The following EVI5L variants were observed in gnomAD, a reference collection of about 807,000 sequenced individuals.
EVI5L encodes EVI5-like protein.
A neutral mutation model predicts 106.1 loss-of-function variants in EVI5L; 30 were observed. The ratio of observed to expected loss-of-function variants is 0.28; its 90% confidence interval spans 0.21 to 0.38. EVI5L has a LOEUF of 0.38. EVI5L is among the 10% of genes least tolerant of loss of function. The pLI is 1.00. For missense variants in EVI5L, 809 were observed against 1,098.0 expected (o/e 0.74, Z 3.72); for synonymous variants, 489 against 483.3 (o/e 1.01, Z -0.15).
At chr19:7,855,470 G>T (rs908392500) in intron 10 of EVI5L, among the ~76,000 whole-genome samples, 1 of 152,216 alleles carries the variant, frequency 6.6e-6, no homozygotes, top group Non-Finnish European at 1.5e-5. Flanking sequence ...CGAAACCCCA[G>T]CCAGGGAACA....
At position 7,847,803 on chromosome 19, in the gene EVI5L, T is replaced by A; in HGVS notation, c.209T>A (p.Val70Glu). The A allele has an allele frequency of 6.2e-7, 1 of 1,613,038 alleles. No homozygotes were observed. The highest frequency in any genetic ancestry group is 8.5e-7 in the Non-Finnish European group (1 of 1,179,714). ...GSRRNSGSSL[V>E]SSSSASSNLS... The stretch of plus-strand genomic sequence containing the variant: ...CGGCGGAACAGTGGCTCCTCGCTAG[T>A]GTCCAGCTCCTCGGCCTCCTCCAAC... The change falls in exon 3 of 20, where the codon GTG (valine) becomes GAG (glutamate). Residue 70 changes from valine (V) to glutamate (E), a missense_variant. Physicochemically the swap from Val to Glu is moderately radical, Grantham distance 121. Coordinates refer to ENST00000538904, the MANE Select transcript of EVI5L (RefSeq NM_001159944.3).
chr19:7,862,350 C>G, intron 16 of EVI5L, 38 bp from the exon 17 acceptor site: 1 of 1,580,506 alleles, frequency 6.3e-7, no homozygotes, highest in Non-Finnish European at 8.6e-7. Flanking sequence ...AGGCCCTGAC[C>G]GCCGCCGTCC....
At chr19:7,832,295 C>T (rs1000813706) in intron 1 of EVI5L, among the ~76,000 whole-genome samples, 5 of 152,146 alleles carry the variant, frequency 3.3e-5, no homozygotes, top group Non-Finnish European at 7.3e-5. Flanking sequence ...CTGCAGGGGG[C>T]GAGGAGCCGG....
In EVI5L at chr19:7,863,224, G is replaced by A. The variant is rs1391880242; in HGVS notation, c.2083G>A (p.Asp695Asn). ...CATCCAGGGCCAGCTGAACCACTCG[G>A]ACTCATCGCAGTACATCCGCGAGCT... ...GRIQGQLNHS[D>N]SSQYIRELKD... Residue 695 changes from aspartate (D) to asparagine (N), a missense_variant, in exon 19 of 20, where the codon GAC (aspartate) becomes AAC (asparagine). Coordinates refer to ENST00000538904, the MANE Select transcript of EVI5L (RefSeq NM_001159944.3). This position sits in a 1 kb window ranked among gnomAD's most constrained non-coding sequence, Gnocchi z 7.7. The A allele has an allele frequency of 6.4e-7, 1 of 1,563,210 alleles. No homozygotes were observed. The highest frequency in any genetic ancestry group is 8.7e-7 in the Non-Finnish European group (1 of 1,154,046).
At chr19:7,860,355 C>T (rs1192046624) in intron 13 of EVI5L, among the ~76,000 whole-genome samples, 5 of 152,166 alleles carry the variant, frequency 3.3e-5, no homozygotes, top group African/African-American at 1.2e-4. Flanking sequence ...GCAGCCTTTC[C>T]AGGAAGGAAG....
chr19:7,860,759 T>C (rs1226230157), intron 14 of EVI5L, 70 bp downstream of exon 14: 16 of 1,466,908 alleles, frequency 1.1e-5, no homozygotes, highest in Non-Finnish European at 1.5e-5. Context: ...TGGATAAGCT[T>C]TGGGAGTGAC....
At position 7,862,177 on chromosome 19, in the gene EVI5L, G is replaced by A; in HGVS notation, c.1700G>A (p.Gly567Asp). Residue 567 changes from glycine to aspartate, a missense_variant, in exon 16 of 20, where the codon GGC becomes GAC. Physicochemically the swap from Gly to Asp is moderately conservative, Grantham distance 94. Around this residue, in one of 2 missense-constraint regions of EVI5L, gnomAD observed 452 missense variants for 509.9 expected, o/e 0.89. Transcript: ENST00000538904. ...WKESPRKLVV[G>D]ELQDELMSVR... ...GAGTCCCCACGGAAGCTGGTCGTGG[G>A]CGAGCTGCAGGACGAGCTGATGAGC... The A allele has an allele frequency of 6.3e-7, 1 of 1,576,442 alleles. No homozygotes were observed. Among genetic ancestry groups the A allele is most frequent in the Non-Finnish European group, 8.6e-7 (1 of 1,165,242 alleles).
At chr19:7,842,860 T>C (rs1452428756) in intron 1 of EVI5L, among the ~76,000 whole-genome samples, 1 of 151,332 alleles carries the variant, frequency 6.6e-6, no homozygotes, top group Non-Finnish European at 1.5e-5. Context: ...TCTGAGTGTG[T>C]CCATGTGTAT....
In EVI5L at chr19:7,850,225, A is replaced by G; in HGVS notation, c.753+103A>G. 1 of 1,458,762 alleles carries G rather than the reference A, an allele frequency of 6.9e-7. No individual in the cohort carries two copies. Among genetic ancestry groups the G allele is most frequent in the Non-Finnish European group, 9.1e-7 (1 of 1,097,722 alleles). The allele number at this position is 1,458,762 out of a possible 1,614,324, so 90.4% of individuals were successfully genotyped here. A position where few individuals can be genotyped will look rare whatever the true frequency, so the allele number is the denominator to read the frequency against. On this transcript the variant is annotated intron_variant, in intron 6 of 19. Coordinates refer to ENST00000538904, the MANE Select transcript of EVI5L (RefSeq NM_001159944.3). The surrounding 1 kb of genome is among the most constrained non-coding windows in gnomAD (Gnocchi z 5.4). ...CAGAAGGGCAGGGCTGGCACCCTAG[A>G]CCATACCCGGGCACCTCTTGGACTG...
intron 1 of EVI5L, among the ~76,000 whole-genome samples, chr19:7,831,998 C>T (rs1032386556): frequency 6.6e-6 from 1 of 152,260 alleles, no homozygotes; most frequent in Non-Finnish European, 1.5e-5. Context: ...TGAAGAGGCT[C>T]GAGTGGAACA....
chr19:7,863,045 G>C lies in EVI5L; in HGVS notation c.2021G>C (p.Arg674Pro), dbSNP rs1445910744. 1.3e-6 allele frequency: 2 copies of C among 1,567,840 alleles called. No individual in the cohort carries two copies. The highest frequency in any genetic ancestry group is 2.8e-5 in the African/African-American group (2 of 72,280). ...GCTGCGGTGGCCGAGATGCGGCAGC[G>C]CATTGCCGAGCTGGAGATCCAGGTG... ...SMAAVAEMRQRIAELEIQREE... is the reference protein window; with the variant it reads ...SMAAVAEMRQPIAELEIQREE... The change falls in exon 18 of 20, where the codon CGC becomes CCC. Residue 674 changes from arginine (R) to proline (P), a missense_variant. Transcript: ENST00000538904. The surrounding 1 kb of genome is among the most constrained non-coding windows in gnomAD (Gnocchi z 7.7).
intron 1 of EVI5L, among the ~76,000 whole-genome samples, chr19:7,843,297 A>ATG: frequency 1.5e-5 from 1 of 68,092 alleles, no homozygotes; most frequent in African/African-American, 5.7e-5. Flanking sequence ...TCATGTGTGC[A>ATG]TGTGTGTGAG....
intron 1 of EVI5L, among the ~76,000 whole-genome samples, chr19:7,833,113 T>A (rs904175121): frequency 6.6e-6 from 1 of 152,134 alleles, no homozygotes; most frequent in Non-Finnish European, 1.5e-5. Flanking sequence ...ACGAACGCAG[T>A]TTTACCCGAG....
chr19:7,858,434 C>T lies in EVI5L; in HGVS notation c.1374+103C>T. ...GCTCATAATCTGCCCCGCCTCAGCA[C>T]CTGGCCCTCCTGTTCCTTTCTGGGG... On this transcript the variant is annotated intron_variant, in intron 13 of 19. Transcript: ENST00000538904. This position sits in a 1 kb window ranked among gnomAD's most constrained non-coding sequence, Gnocchi z 5.7. 1 of 1,387,154 alleles carries T rather than the reference C, an allele frequency of 7.2e-7. No individual in the cohort carries two copies. Among genetic ancestry groups the T allele is most frequent in the Non-Finnish European group, 9.5e-7 (1 of 1,050,688 alleles). 85.9% of individuals were successfully genotyped at this position (1,387,154 alleles called of 1,614,324 possible).
At chr19:7,838,799 CA>C (rs1161409377) in intron 1 of EVI5L, among the ~76,000 whole-genome samples, 1 of 151,860 alleles carries the variant, frequency 6.6e-6, no homozygotes, top group Non-Finnish European at 1.5e-5. Context: ...AAAAGCGAGC[CA>C]GGATGCTGGA....
At chr19:7,842,577 A>G (rs1248453603) in intron 1 of EVI5L, among the ~76,000 whole-genome samples, 1 of 144,690 alleles carries the variant, frequency 6.9e-6, no homozygotes, top group African/African-American at 2.6e-5. Context: ...GTGTGTGTGC[A>G]TGTATCAAGC....
At chr19:7,832,568 C>T (rs563030114) in intron 1 of EVI5L, among the ~76,000 whole-genome samples, 2 of 152,100 alleles carry the variant, frequency 1.3e-5, no homozygotes, top group East Asian at 3.9e-4. Context: ...TGTGTTCCCC[C>T]AGTGCCGTGT....
In EVI5L at chr19:7,845,706, G is replaced by A. The variant is rs149313248; in HGVS notation, c.-47-790G>A. Among the ~76,000 whole-genome samples, 1,015 of 152,340 alleles carry A rather than the reference G, an allele frequency of 6.7e-3. 13 individuals are homozygous for A. The highest frequency in any genetic ancestry group is 0.024 in the African/African-American group (981 of 41,588). On this transcript the variant is annotated intron_variant, in intron 1 of 19. Transcript: ENST00000538904. This position sits in a 1 kb window ranked among gnomAD's most constrained non-coding sequence, Gnocchi z 4.0. ...ACATGGCATTGATCTGCCTCCACCA[G>A]GGTGGCAGAAGGCGAGAGGCCAGTG... is the stretch of plus-strand genomic sequence containing the variant.
Position 7,862,143 on chromosome 19 carries a change from C to A in EVI5L, c.1666C>A (p.Arg556Ser), listed in dbSNP as rs1001654084. The A allele has an allele frequency of 1.3e-6, 2 of 1,572,820 alleles. No homozygotes were observed. The highest frequency in any genetic ancestry group is 2.3e-5 in the South Asian group (2 of 86,392). Residue 556 changes from arginine to serine, a missense_variant, in exon 16 of 20, where the codon CGC (arginine) becomes AGC (serine). This residue lies in a region of EVI5L where 452 missense variants were observed against 509.9 expected (regional missense o/e 0.89). Coordinates refer to ENST00000538904, the MANE Select transcript of EVI5L (RefSeq NM_001159944.3). ...TWQAHLARGG[R>S]WKESPRKLVV... ...CCAGGCCCATCTGGCCCGCGGCGGC[C>A]GCTGGAAGGAGTCCCCACGGAAGCT...
Sources: gnomAD v4.1 joint callset for allele counts (sites outside exome capture counted in the v4.1 genomes callset) on GRCh38, gnomAD v4.1.1 for gene constraint, gnomAD v4.1.1 regional missense constraint, Gnocchi (gnomAD v3.1) non-coding constraint, MANE v1.5 for transcripts, NCBI Gene and HGNC (gene_info 2026-07-23, HGNC 2026-07-21) for gene names.